The following ATOSB variants were observed in gnomAD, a reference collection of about 807,000 sequenced individuals.
ATOSB encodes atos homolog protein B.
At chr9:35,110,302 C>T in the ATOSB span, 1 of 152,402 alleles carries the variant, frequency 6.6e-6, no homozygotes, top group African/African-American at 2.4e-5. Context: ...CTTTCCTCCA[C>T]CCAAGCCATA....
chr9:35,114,383 C>G, the ATOSB span, among the ~76,000 whole-genome samples: 3 of 148,172 alleles, frequency 2.0e-5, no homozygotes, highest in Admixed American at 6.7e-5. Context: ...GCAGACCCAC[C>G]CCCCTCCCCA....
the ATOSB span, chr9:35,106,167 T>C: frequency 6.3e-7 from 1 of 1,578,062 alleles, no homozygotes. The surrounding 1 kb of genome is among the most constrained non-coding windows in gnomAD (Gnocchi z 4.6). Context: ...GAGGAATAAG[T>C]AAGAAATACC....
At chr9:35,112,694 T>C in the ATOSB span, among the ~76,000 whole-genome samples, 1 of 152,196 alleles carries the variant, frequency 6.6e-6, no homozygotes, top group Admixed American at 6.5e-5. Flanking sequence ...TCGGATAATT[T>C]GGGACTTAGG....
chr9:35,111,095 C>T, the ATOSB span: 4 of 152,930 alleles, frequency 2.6e-5, no homozygotes, highest in African/African-American at 7.2e-5. Flanking sequence ...AGCAGACTCT[C>T]TAAACTAAGC....
At chr9:35,106,709 G>C in the ATOSB span, 1 of 1,462,988 alleles carries the variant, frequency 6.8e-7, no homozygotes, top group Non-Finnish European at 9.3e-7. This position sits in a 1 kb window ranked among gnomAD's most constrained non-coding sequence, Gnocchi z 4.6. Flanking sequence ...TTATGCCCTT[G>C]GACTCCACCC....
the ATOSB span, chr9:35,104,275 T>G: frequency 1.3e-5 from 2 of 152,772 alleles, no homozygotes; most frequent in Admixed American, 1.3e-4. Flanking sequence ...GAGTTAGGAC[T>G]GAGGCTGGGT....
the ATOSB span, chr9:35,105,755 A>G: frequency 6.2e-7 from 1 of 1,614,066 alleles, no homozygotes; most frequent in South Asian, 1.1e-5. This position sits in a 1 kb window ranked among gnomAD's most constrained non-coding sequence, Gnocchi z 5.5. Flanking sequence ...GGCACCAAAA[A>G]GAGGCGATGG....
At chr9:35,104,385 G>C in the ATOSB span, 1 of 163,524 alleles carries the variant, frequency 6.1e-6, no homozygotes. Flanking sequence ...AGTCTGGCCA[G>C]GTGAGAGGAG....
At chr9:35,114,599 T>C in the ATOSB span, among the ~76,000 whole-genome samples, 774 of 152,302 alleles carry the variant, frequency 5.1e-3, 13 homozygotes, top group African/African-American at 0.018. Context: ...GGTCCTAGCC[T>C]GTTCTGATAG....
chr9:35,106,513 A>G, the ATOSB span: 1 of 1,592,108 alleles, frequency 6.3e-7, no homozygotes, highest in Non-Finnish European at 8.6e-7. This position sits in a 1 kb window ranked among gnomAD's most constrained non-coding sequence, Gnocchi z 4.6. Flanking sequence ...GGACCCCGGC[A>G]ATCACAAACC....
At chr9:35,116,056 C>A in the ATOSB span, among the ~76,000 whole-genome samples, 1 of 152,018 alleles carries the variant, frequency 6.6e-6, no homozygotes, top group African/African-American at 2.4e-5. Context: ...GCACCTCCTT[C>A]GCGTTTTCTT....
At chr9:35,105,913 C>T in the ATOSB span, 7 of 1,613,806 alleles carry the variant, frequency 4.3e-6, no homozygotes, top group Admixed American at 6.7e-5. The surrounding 1 kb of genome is among the most constrained non-coding windows in gnomAD (Gnocchi z 5.5). Flanking sequence ...CCTCTCTCCC[C>T]ACTCCCACTC....
chr9:35,107,119 C>G, the ATOSB span, among the ~76,000 whole-genome samples: 1 of 151,842 alleles, frequency 6.6e-6, no homozygotes, highest in African/African-American at 2.4e-5. Flanking sequence ...CTCAGGAGTT[C>G]GAGACCAGCT....
At chr9:35,107,791 A>G in the ATOSB span, 1 of 1,571,144 alleles carries the variant, frequency 6.4e-7, no homozygotes, top group Non-Finnish European at 8.6e-7. Flanking sequence ...GGATCTGGGG[A>G]GGCCCAGTCT....
At chr9:35,108,588 A>G in the ATOSB span, 19 of 1,138,494 alleles carry the variant, frequency 1.7e-5, no homozygotes, top group Non-Finnish European at 1.9e-5. Context: ...TCTCCCTGGT[A>G]CTTACCCCGA....
chr9:35,111,788 C>G, the ATOSB span, among the ~76,000 whole-genome samples: 1 of 152,168 alleles, frequency 6.6e-6, no homozygotes, highest in Non-Finnish European at 1.5e-5. Flanking sequence ...GTAGGCTTAC[C>G]CAAGGTCGCT....
At chr9:35,108,175 T>A in the ATOSB span, 2 of 1,593,400 alleles carry the variant, frequency 1.3e-6, no homozygotes, top group Non-Finnish European at 1.7e-6. Context: ...CTGTAGCCCA[T>A]GAGCAGGCCA....
the ATOSB span, chr9:35,108,151 C>A: frequency 1.3e-6 from 2 of 1,576,120 alleles, no homozygotes; most frequent in South Asian, 1.2e-5. Context: ...GGGGATGTCG[C>A]CCCCCCTGCT....
At chr9:35,115,968 T>G in the ATOSB span, 1 of 150,982 alleles carries the variant, frequency 6.6e-6, no homozygotes, top group Non-Finnish European at 1.5e-5. Context: ...CCTTCCACCT[T>G]CTGTGGACTT....
Sources: allele counts gnomAD v4.1 joint callset (sites outside exome capture counted in the v4.1 genomes callset), GRCh38; gene constraint gnomAD v4.1.1; non-coding constraint Gnocchi (gnomAD v3.1); transcripts MANE v1.5; gene names NCBI Gene and HGNC (gene_info 2026-07-23, HGNC 2026-07-21).